CNTNAP2: variants seen among roughly 807,000 people sequenced by gnomAD.
CNTNAP2 encodes contactin associated protein 2.
CNTNAP2 carries 98 observed loss-of-function variants against 155.2 expected under a neutral mutation model. The observed-to-expected ratio is 0.63, with a 90% CI of 0.54 to 0.75. The LOEUF is 0.75. CNTNAP2 is among the 30% of genes least tolerant of loss of function. The pLI is 0.00. For missense variants in CNTNAP2, 1,727 were observed against 1,688.1 expected (o/e 1.02, Z -0.40); for synonymous variants, 651 against 631.2 (o/e 1.03, Z -0.47).
intron 15 of CNTNAP2, among the ~76,000 whole-genome samples, chr7:148,017,365 T>C (rs1282193292): frequency 3.3e-5 from 5 of 152,182 alleles, no homozygotes; most frequent in Non-Finnish European, 7.3e-5. Context: ...GAAGCAGATA[T>C]GAGAGAGAAC....
chr7:147,612,902 T>A (rs1243941167), intron 12 of CNTNAP2, among the ~76,000 whole-genome samples: 1 of 152,222 alleles, frequency 6.6e-6, no homozygotes, highest in African/African-American at 2.4e-5. Flanking sequence ...AAATATTTTA[T>A]AACAATTGTA....
At chr7:148,213,861 C>A (rs1055004817) in intron 18 of CNTNAP2, among the ~76,000 whole-genome samples, 1 of 152,200 alleles carries the variant, frequency 6.6e-6, no homozygotes, top group East Asian at 1.9e-4. Flanking sequence ...GCCTTGCTCA[C>A]GGGATCCCCA....
At chr7:146,453,668 A>T (rs1247895781) in intron 1 of CNTNAP2, among the ~76,000 whole-genome samples, 1 of 152,194 alleles carries the variant, frequency 6.6e-6, no homozygotes, top group Non-Finnish European at 1.5e-5. Context: ...TTGTTTTACT[A>T]TTGTATCCCA....
chr7:146,153,061 A>C (rs1798074841), intron 1 of CNTNAP2, among the ~76,000 whole-genome samples: 1 of 152,186 alleles, frequency 6.6e-6, no homozygotes, highest in African/African-American at 2.4e-5. Flanking sequence ...ATTGAGTTGC[A>C]TCATAGTAAA....
At chr7:147,168,791 G>A (rs747018391) in intron 8 of CNTNAP2, among the ~76,000 whole-genome samples, 3 of 151,950 alleles carry the variant, frequency 2.0e-5, no homozygotes, top group Non-Finnish European at 2.9e-5. Context: ...ACAGACTACT[G>A]CAAACAAATA....
intron 3 of CNTNAP2, among the ~76,000 whole-genome samples, chr7:146,911,309 T>G (rs2129217037): frequency 6.6e-6 from 1 of 152,270 alleles, no homozygotes; most frequent in South Asian, 2.1e-4. Flanking sequence ...TTACTGGGTA[T>G]ATACCCAAAG....
At chr7:146,776,595 A>G (rs1057446519) in intron 2 of CNTNAP2, among the ~76,000 whole-genome samples, 2 of 152,166 alleles carry the variant, frequency 1.3e-5, no homozygotes, top group African/African-American at 2.4e-5. Context: ...GGAATTAGAG[A>G]GATGTGGGTG....
chr7:146,581,545 A>C (rs1798610855), intron 1 of CNTNAP2, among the ~76,000 whole-genome samples: 1 of 152,094 alleles, frequency 6.6e-6, no homozygotes, highest in Non-Finnish European at 1.5e-5. Flanking sequence ...GAGAAAATTT[A>C]GGTTACAAAA....
At chr7:147,254,858 A>G (rs946855024) in intron 8 of CNTNAP2, among the ~76,000 whole-genome samples, 1 of 152,220 alleles carries the variant, frequency 6.6e-6, no homozygotes, top group Non-Finnish European at 1.5e-5. Context: ...GTTTCAGCAA[A>G]GACTTAATTG....
At chr7:147,530,109 A>C (rs1799404695) in intron 11 of CNTNAP2, among the ~76,000 whole-genome samples, 1 of 152,222 alleles carries the variant, frequency 6.6e-6, no homozygotes, top group Admixed American at 6.5e-5. Context: ...GAGACTGCTA[A>C]GAAAAAGAAG....
chr7:146,795,190 G>A (rs1301218483), intron 2 of CNTNAP2, among the ~76,000 whole-genome samples: 1 of 152,174 alleles, frequency 6.6e-6, no homozygotes. Context: ...TAGCTTAGTG[G>A]AGAATTAGAA....
At chr7:146,890,745 G>C (rs1795757834) in intron 3 of CNTNAP2, among the ~76,000 whole-genome samples, 1 of 152,120 alleles carries the variant, frequency 6.6e-6, no homozygotes, top group Admixed American at 6.6e-5. Context: ...TAAACATTTT[G>C]AAAATGACAA....
At chr7:147,850,267 G>C (rs1395430470) in intron 13 of CNTNAP2, among the ~76,000 whole-genome samples, 1 of 152,086 alleles carries the variant, frequency 6.6e-6, no homozygotes, top group Admixed American at 6.6e-5. Context: ...AAATAAAAGA[G>C]GACACAAACA....
chr7:147,199,996 C>T (rs984355173), intron 8 of CNTNAP2, among the ~76,000 whole-genome samples: 1 of 152,028 alleles, frequency 6.6e-6, no homozygotes, highest in African/African-American at 2.4e-5. Flanking sequence ...TCACCTTCAG[C>T]CACACTCAGG....
intron 1 of CNTNAP2, among the ~76,000 whole-genome samples, chr7:146,174,821 C>T (rs541226019): frequency 9.9e-5 from 15 of 152,148 alleles, no homozygotes; most frequent in South Asian, 2.1e-4. Flanking sequence ...CCAGCCCAGG[C>T]GGCAGAGCGA....
chr7:147,517,436 C>T (rs763892142), intron 11 of CNTNAP2, among the ~76,000 whole-genome samples: 35 of 152,098 alleles, frequency 2.3e-4, no homozygotes, highest in Non-Finnish European at 5.9e-5. Flanking sequence ...AACATCCGAA[C>T]GTCAACTTCA....
At chr7:146,324,344 C>T (rs1801059778) in intron 1 of CNTNAP2, among the ~76,000 whole-genome samples, 1 of 152,086 alleles carries the variant, frequency 6.6e-6, no homozygotes, top group Non-Finnish European at 1.5e-5. Context: ...GGAGAGTTAT[C>T]ATGGGGTATT....
chr7:147,681,047 C>A (rs190305459), intron 13 of CNTNAP2, among the ~76,000 whole-genome samples: 50 of 151,884 alleles, frequency 3.3e-4, no homozygotes, highest in Non-Finnish European at 6.8e-4. Context: ...CATTTCTGTT[C>A]CACATAAAGA....
chr7:146,926,954 G>A lies in CNTNAP2; in HGVS notation c.402+87050G>A, dbSNP rs561039937. The stretch of plus-strand genomic sequence containing the variant: ...TAACTTCGATTCAGCCTTTAACCCC[G>A]AAGCCACATGTTTCCACTAACAAGA... On this transcript the variant is annotated intron_variant, in intron 3 of 23. Coordinates refer to ENST00000361727, the MANE Select transcript of CNTNAP2 (RefSeq NM_014141.6). Among the ~76,000 whole-genome samples the A allele has an allele frequency of 5.3e-5, 8 of 152,134 alleles. No individual in the cohort carries two copies. In the East Asian group the frequency reaches 5.8e-4, roughly 11 times the overall value.
Sources: allele counts gnomAD v4.1 joint callset (sites outside exome capture counted in the v4.1 genomes callset), GRCh38; gene constraint gnomAD v4.1.1; transcripts MANE v1.5; gene names NCBI Gene and HGNC (gene_info 2026-07-23, HGNC 2026-07-21).